CDH9: variants seen among roughly 807,000 people sequenced by gnomAD.
CDH9 encodes cadherin-9.
A neutral mutation model predicts 70.9 loss-of-function variants in CDH9; 28 were observed. The observed-to-expected ratio is 0.40, with a 90% CI of 0.29 to 0.54. CDH9 has a LOEUF of 0.54. CDH9 is among the 20% of genes least tolerant of loss of function. The pLI is 0.59. For synonymous variants in CDH9, 409 were observed against 343.1 expected (o/e 1.19, Z -2.12); for missense variants, 874 against 984.4 (o/e 0.89, Z 1.50).
chr5:26,947,666 G>A (rs546414577), intron 2 of CDH9, among the ~76,000 whole-genome samples: 131 of 152,292 alleles, frequency 8.6e-4, no homozygotes, highest in African/African-American at 2.6e-3. Flanking sequence ...AATAAGGAAA[G>A]AGCAGCACCG....
At chr5:26,944,248 T>G (rs1741709113) in intron 2 of CDH9, among the ~76,000 whole-genome samples, 1 of 152,262 alleles carries the variant, frequency 6.6e-6, no homozygotes, top group Non-Finnish European at 1.5e-5. Context: ...CTATCTTTTT[T>G]TTTTTACTTT....
At chr5:26,890,054 T>TTAGCAACA (rs778244060) in intron 8 of CDH9, 97 bp from the exon 9 acceptor site, 57 of 1,132,302 alleles carry the variant, frequency 5.0e-5, no homozygotes, top group Non-Finnish European at 7.0e-5. Context: ...CTTTTTGTGG[T>TTAGCAACA]GTTCACTTTC....
At chr5:27,037,930 A>T (rs543127090) in intron 1 of CDH9, among the ~76,000 whole-genome samples, 1 of 152,108 alleles carries the variant, frequency 6.6e-6, no homozygotes, top group African/African-American at 2.4e-5. Context: ...CATCTGTGGC[A>T]TTTTTACTAT....
intron 1 of CDH9, among the ~76,000 whole-genome samples, chr5:27,013,678 C>T (rs1742999874): frequency 6.6e-6 from 1 of 151,894 alleles, no homozygotes; most frequent in South Asian, 2.1e-4. Context: ...ACCAACCGAC[C>T]TGTGATGAAT....
intron 2 of CDH9, among the ~76,000 whole-genome samples, chr5:26,987,284 A>G (rs1020925062): frequency 1.2e-4 from 18 of 151,922 alleles, no homozygotes; most frequent in African/African-American, 4.1e-4. Context: ...AAAAATTTTA[A>G]CATTCCTCAG....
intron 7 of CDH9, among the ~76,000 whole-genome samples, chr5:26,897,245 A>T (rs1455904594): frequency 6.6e-6 from 1 of 152,094 alleles, no homozygotes. Context: ...AGAGATACAT[A>T]GAGGAGCTGG....
At chr5:26,943,044 A>G (rs1741689383) in intron 2 of CDH9, among the ~76,000 whole-genome samples, 1 of 152,222 alleles carries the variant, frequency 6.6e-6, no homozygotes, top group Non-Finnish European at 1.5e-5. Context: ...AAATAAGCTG[A>G]GTTCTGTGGG....
chr5:26,921,186 A>G lies in CDH9; in HGVS notation c.229-5262T>C, dbSNP rs116067215. Among the ~76,000 whole-genome samples, 306 of 152,174 alleles carry G rather than the reference A, an allele frequency of 2.0e-3. 3 individuals are homozygous for G. Among genetic ancestry groups the G allele is most frequent in the African/African-American group, 6.9e-3 (286 of 41,530 alleles). Reference sequence around the variant, plus strand: ...ATCTCACATCCCAGAGACCACCTAAAATATGCATACCAGATATGAGCAGAG... The same window carrying G: ...ATCTCACATCCCAGAGACCACCTAAGATATGCATACCAGATATGAGCAGAG... On this transcript the variant is annotated intron_variant, in intron 2 of 11. Transcript: ENST00000231021.
chr5:26,913,820 C>A (rs1359596970), intron 3 of CDH9, among the ~76,000 whole-genome samples: 2 of 150,224 alleles, frequency 1.3e-5, no homozygotes, highest in African/African-American at 4.9e-5. Context: ...TATTGTTACT[C>A]AACAAATATT....
chr5:26,900,546 T>C (rs1740837010), intron 7 of CDH9, among the ~76,000 whole-genome samples: 1 of 152,050 alleles, frequency 6.6e-6, no homozygotes, highest in Non-Finnish European at 1.5e-5. Flanking sequence ...ATATGCTAGA[T>C]GAATGAAGAA....
At chr5:26,997,569 C>G (rs546494458) in intron 1 of CDH9, among the ~76,000 whole-genome samples, 130 of 152,268 alleles carry the variant, frequency 8.5e-4, no homozygotes, top group African/African-American at 3.1e-3. Flanking sequence ...TCATTTTAAT[C>G]AGTGCCAGAG....
At chr5:26,990,394 C>T (rs933924433) in intron 1 of CDH9, among the ~76,000 whole-genome samples, 1 of 152,064 alleles carries the variant, frequency 6.6e-6, no homozygotes, top group Non-Finnish European at 1.5e-5. Context: ...ATATGCTGCT[C>T]TTAATACATA....
intron 2 of CDH9, among the ~76,000 whole-genome samples, chr5:26,947,965 G>A (rs1426698880): frequency 2.6e-5 from 4 of 152,106 alleles, no homozygotes; most frequent in Non-Finnish European, 5.9e-5. Context: ...TGATAAAACT[G>A]TAATTGAAAA....
chr5:26,988,920 T>C (rs1444789832), intron 1 of CDH9, among the ~76,000 whole-genome samples: 2 of 152,056 alleles, frequency 1.3e-5, no homozygotes, highest in Non-Finnish European at 2.9e-5. Flanking sequence ...GTACCAAATA[T>C]ACTTAGGATT....
chr5:26,971,230 C>G (rs1040423398), intron 2 of CDH9, among the ~76,000 whole-genome samples: 7 of 152,098 alleles, frequency 4.6e-5, no homozygotes, highest in Non-Finnish European at 8.8e-5. Context: ...ATGAAGCACG[C>G]ATTACCAGGA....
intron 1 of CDH9, among the ~76,000 whole-genome samples, chr5:27,001,261 T>A (rs963157604): frequency 6.6e-6 from 1 of 152,130 alleles, no homozygotes; most frequent in African/African-American, 2.4e-5. Flanking sequence ...CTGGCGTAAG[T>A]AATTTTCCAA....
At chr5:27,022,813 G>C (rs1743161586) in intron 1 of CDH9, among the ~76,000 whole-genome samples, 1 of 152,026 alleles carries the variant, frequency 6.6e-6, no homozygotes, top group South Asian at 2.1e-4. Flanking sequence ...CTCAGTTCTG[G>C]TGCTAAACCG....
intron 1 of CDH9, among the ~76,000 whole-genome samples, chr5:27,033,089 A>C (rs1743336336): frequency 6.6e-6 from 1 of 151,290 alleles, no homozygotes; most frequent in Admixed American, 6.6e-5. Flanking sequence ...TTAAAAAAAT[A>C]AAATTCTAAT....
chr5:26,914,435 T>A (rs1741113807), intron 3 of CDH9, among the ~76,000 whole-genome samples: 1 of 151,946 alleles, frequency 6.6e-6, no homozygotes, highest in Admixed American at 6.6e-5. Flanking sequence ...CTAAAAAATA[T>A]AACAGGGAAC....
Sources: gnomAD v4.1 joint callset for allele counts (sites outside exome capture counted in the v4.1 genomes callset) on GRCh38, gnomAD v4.1.1 for gene constraint, MANE v1.5 for transcripts, NCBI Gene and HGNC (gene_info 2026-07-23, HGNC 2026-07-21) for gene names.